Variants in SNTB2 observed in about 807,000 individuals in gnomAD.
SNTB2 encodes the protein beta-2-syntrophin.
Under a neutral mutation model 46.2 loss-of-function variants are expected in SNTB2, and 34 were observed. That is an observed-to-expected ratio of 0.74 (90% CI 0.56 to 0.98). SNTB2 has a LOEUF of 0.98. Ranked by LOEUF, SNTB2 falls within the 50% of genes least tolerant of loss-of-function variation. The probability of loss-of-function intolerance (pLI) is 0.00; values close to 1 mark genes in which losing one functional copy is unlikely to be tolerated. For synonymous variants in SNTB2, 290 were observed against 312.6 expected (o/e 0.93, Z 0.76); for missense variants, 603 against 731.4 (o/e 0.82, Z 2.02).
rs139175705 is a variant in SNTB2 at position 69,254,676 on chromosome 16, G to A, written c.795-5374G>A. Among the ~76,000 whole-genome samples, 224 of 152,286 alleles carry A rather than the reference G, an allele frequency of 1.5e-3. 2 individuals carry two copies. The highest frequency in any genetic ancestry group is 0.014 in the Middle Eastern group (4 of 294). On this transcript the variant is annotated intron_variant, in intron 2 of 6. Coordinates refer to ENST00000336278, the MANE Select transcript of SNTB2 (RefSeq NM_006750.4). ...AAAATACATATCCAATAAAGGACTG[G>A]TATCCCAAATATACAGAGGGACCAA...
chr16:69,199,635 A>C (rs1306073238), intron 1 of SNTB2, among the ~76,000 whole-genome samples: 1 of 150,404 alleles, frequency 6.6e-6, no homozygotes, highest in Non-Finnish European at 1.5e-5. Flanking sequence ...TCTTAAGCGC[A>C]GATGAATCAC....
chr16:69,262,538 T>C (rs1964844060), intron 3 of SNTB2, among the ~76,000 whole-genome samples: 1 of 152,202 alleles, frequency 6.6e-6, no homozygotes, highest in Non-Finnish European at 1.5e-5. Context: ...TGTATATTTA[T>C]GGGATACGGT....
intron 2 of SNTB2, among the ~76,000 whole-genome samples, chr16:69,246,049 T>A (rs1302118070): frequency 1.3e-5 from 2 of 152,186 alleles, no homozygotes; most frequent in African/African-American, 4.8e-5. Flanking sequence ...CTCTAGGGTG[T>A]CAAATAAGAC....
At chr16:69,254,669 AGGACT>A (rs1964756315) in intron 2 of SNTB2, among the ~76,000 whole-genome samples, 1 of 152,218 alleles carries the variant, frequency 6.6e-6, no homozygotes, top group African/African-American at 2.4e-5. Context: ...TATCCAATAA[AGGACT>A]GGTATCCCAA....
chr16:69,235,864 A>G, intron 1 of SNTB2: 1 of 1,288,600 alleles, frequency 7.8e-7, no homozygotes, highest in Non-Finnish European at 1.0e-6. Flanking sequence ...TACCACTTCT[A>G]CAACTGTTCT....
At chr16:69,235,870 G>C in intron 1 of SNTB2, 1 of 1,287,028 alleles carries the variant, frequency 7.8e-7, no homozygotes. Flanking sequence ...TTCTACAACT[G>C]TTCTTGGAGT....
At chr16:69,188,498 ATTC>A (rs1964017364) in intron 1 of SNTB2, among the ~76,000 whole-genome samples, 1 of 152,244 alleles carries the variant, frequency 6.6e-6, no homozygotes, top group Non-Finnish European at 1.5e-5. Flanking sequence ...AACCAGGATT[ATTC>A]TTTACGTTAA....
At chr16:69,227,885 TCTCA>T (rs1173140639) in intron 1 of SNTB2, among the ~76,000 whole-genome samples, 1 of 143,898 alleles carries the variant, frequency 6.9e-6, no homozygotes, top group Non-Finnish European at 1.5e-5. Context: ...TAAGATGGGG[TCTCA>T]CTCTGTCACC....
At chr16:69,218,325 G>T (rs566336099) in intron 1 of SNTB2, among the ~76,000 whole-genome samples, 1 of 152,052 alleles carries the variant, frequency 6.6e-6, no homozygotes, top group East Asian at 1.9e-4. Context: ...AAGAATATTT[G>T]TCATGGAATT....
intron 1 of SNTB2, among the ~76,000 whole-genome samples, chr16:69,208,971 A>AGTGTGTGTGTGTGTGTGTGTGT (rs570119837): frequency 4.7e-5 from 7 of 149,120 alleles, no homozygotes; most frequent in African/African-American, 1.8e-4. Context: ...TGAATTTTTG[A>AGTGTGTGTGTGTGTGTGTGTGT]GTGTGTGTGT....
At chr16:69,207,130 C>A (rs189767142) in intron 1 of SNTB2, among the ~76,000 whole-genome samples, 1 of 146,878 alleles carries the variant, frequency 6.8e-6, no homozygotes, top group African/African-American at 2.5e-5. Flanking sequence ...TATAGATTTT[C>A]CTTTTCTTTT....
At chr16:69,239,448 T>G (rs1964588935) in intron 1 of SNTB2, among the ~76,000 whole-genome samples, 1 of 152,270 alleles carries the variant, frequency 6.6e-6, no homozygotes, top group Non-Finnish European at 1.5e-5. Context: ...TACAGGACCA[T>G]TCCATGGTTT....
intron 5 of SNTB2, among the ~76,000 whole-genome samples, chr16:69,294,358 A>G (rs1965202980): frequency 6.6e-6 from 1 of 152,078 alleles, no homozygotes; most frequent in Non-Finnish European, 1.5e-5. Context: ...TTGTATCATC[A>G]GGAAAAAAAA....
chr16:69,191,790 G>A (rs765177618), intron 1 of SNTB2, among the ~76,000 whole-genome samples: 69 of 151,888 alleles, frequency 4.5e-4, no homozygotes, highest in Admixed American at 1.7e-3. Context: ...ACAGGCGCCC[G>A]CCACCATGCC....
chr16:69,187,858 C>G (rs1964009652), intron 1 of SNTB2, 112 bp downstream of exon 1: 1 of 898,986 alleles, frequency 1.1e-6, no homozygotes, highest in Non-Finnish European at 1.5e-6. Context: ...CCGTCTCTCT[C>G]CAAACCCGGG....
intron 5 of SNTB2, among the ~76,000 whole-genome samples, chr16:69,297,766 T>G (rs1241342502): frequency 6.6e-6 from 1 of 151,774 alleles, no homozygotes; most frequent in Non-Finnish European, 1.5e-5. Context: ...GCAAAAAAAT[T>G]AGCCGGGCGT....
At chr16:69,199,467 C>T (rs571933286) in intron 1 of SNTB2, among the ~76,000 whole-genome samples, 8 of 151,930 alleles carry the variant, frequency 5.3e-5, no homozygotes, top group Non-Finnish European at 1.0e-4. Context: ...CAGTGGCTCA[C>T]GCCTGTAGTC....
intron 2 of SNTB2, among the ~76,000 whole-genome samples, chr16:69,259,236 A>ATTTTTTTTT (rs58387978): frequency 4.3e-5 from 3 of 69,136 alleles, no homozygotes; most frequent in East Asian, 8.4e-4. Context: ...GGTCTTTCTG[A>ATTTTTTTTT]TTTTTTTTTT....
chr16:69,249,383 GA>G (rs1272140249), intron 2 of SNTB2, among the ~76,000 whole-genome samples: 1 of 152,122 alleles, frequency 6.6e-6, no homozygotes, highest in Non-Finnish European at 1.5e-5. Flanking sequence ...GGGTATTGAA[GA>G]AAAAGGCAAA....
Sources: allele counts gnomAD v4.1 joint callset (sites outside exome capture counted in the v4.1 genomes callset), GRCh38; gene constraint gnomAD v4.1.1; transcripts MANE v1.5; gene names NCBI Gene and HGNC (gene_info 2026-07-23, HGNC 2026-07-21).